The following KAZN variants were observed in gnomAD, a reference collection of about 807,000 sequenced individuals.
KAZN encodes kazrin, periplakin interacting protein.
KAZN carries 40 observed loss-of-function variants against 87.4 expected under a neutral mutation model. The ratio of observed to expected loss-of-function variants is 0.46; its 90% CI spans 0.36 to 0.60. The LOEUF (loss-of-function observed/expected upper bound fraction) is 0.60. Ranked by LOEUF, KAZN falls within the 20% of genes least tolerant of loss-of-function variation. The pLI is 0.00. For missense variants in KAZN, 898 were observed against 1,073.9 expected (o/e 0.84, Z 2.29); for synonymous variants, 466 against 458.3 (o/e 1.02, Z -0.22).
intron 2 of KAZN, among the ~76,000 whole-genome samples, chr1:14,584,644 A>G (rs1185929903): frequency 2.1e-4 from 19 of 91,150 alleles, no homozygotes; most frequent in Admixed American, 1.2e-4. Flanking sequence ...GCATTTGGAG[A>G]CAGTCTTTTT....
chr1:14,990,375 A>G (rs1667235428), intron 2 of KAZN, among the ~76,000 whole-genome samples: 1 of 152,132 alleles, frequency 6.6e-6, no homozygotes, highest in East Asian at 1.9e-4. Flanking sequence ...GGCATGTACC[A>G]CCATGCCCAG....
At chr1:14,291,053 A>G (rs1653646698) in intron 2 of KAZN, among the ~76,000 whole-genome samples, 2 of 152,132 alleles carry the variant, frequency 1.3e-5, no homozygotes, top group Non-Finnish European at 2.9e-5. Context: ...TTCCTCTGGA[A>G]GCTTCATCCC....
intron 2 of KAZN, among the ~76,000 whole-genome samples, chr1:14,366,948 C>T (rs1458995888): frequency 1.3e-5 from 2 of 152,132 alleles, no homozygotes; most frequent in Non-Finnish European, 2.9e-5. Context: ...ATGAAAATGG[C>T]TAGCCGGGCA....
At chr1:14,104,059 C>G (rs777758592) in intron 1 of KAZN, among the ~76,000 whole-genome samples, 12 of 152,172 alleles carry the variant, frequency 7.9e-5, no homozygotes, top group African/African-American at 2.4e-4. Flanking sequence ...AGCGAAGACA[C>G]TGCAACATTA....
At chr1:13,935,751 T>C (rs556388631) in intron 1 of KAZN, among the ~76,000 whole-genome samples, 2 of 152,246 alleles carry the variant, frequency 1.3e-5, no homozygotes, top group South Asian at 4.1e-4. Flanking sequence ...CTTCATAGTT[T>C]GGTTTGAATT....
At chr1:14,684,125 A>G (rs1208088315) in intron 1 of KAZN, among the ~76,000 whole-genome samples, 3 of 152,178 alleles carry the variant, frequency 2.0e-5, no homozygotes, top group South Asian at 2.1e-4. Context: ...TCAAGCTCCT[A>G]TAAGTGTCTC....
chr1:15,074,752 A>G (rs1482372246), intron 8 of KAZN, among the ~76,000 whole-genome samples: 1 of 152,220 alleles, frequency 6.6e-6, no homozygotes, highest in African/African-American at 2.4e-5. Context: ...TTTCAACCTC[A>G]GTCCTGACGC....
chr1:13,968,851 T>C (rs920526214), intron 1 of KAZN, among the ~76,000 whole-genome samples: 1 of 152,192 alleles, frequency 6.6e-6, no homozygotes, highest in Non-Finnish European at 1.5e-5. Flanking sequence ...CAGTCTCATG[T>C]CTTTAAATGC....
At chr1:14,008,957 AC>A (rs1479275612) in intron 1 of KAZN, among the ~76,000 whole-genome samples, 1 of 151,718 alleles carries the variant, frequency 6.6e-6, no homozygotes, top group Non-Finnish European at 1.5e-5. Context: ...TTAAACAGTA[AC>A]TCCCCATTCC....
intron 2 of KAZN, among the ~76,000 whole-genome samples, chr1:15,030,350 C>T (rs1671568464): frequency 6.6e-6 from 1 of 152,298 alleles, no homozygotes; most frequent in African/African-American, 2.4e-5. Flanking sequence ...TCGCTGCAAC[C>T]TCTGCCTCCA....
At chr1:14,883,388 A>AAAGAAAGAAAGAAAGG (rs1653665077) in intron 1 of KAZN, among the ~76,000 whole-genome samples, 1 of 132,012 alleles carries the variant, frequency 7.6e-6, no homozygotes, top group Non-Finnish European at 1.6e-5. Flanking sequence ...AGAAAGAAAG[A>AAAGAAAGAAAGAAAGG]AAGAAAGAAA....
intron 2 of KAZN, among the ~76,000 whole-genome samples, chr1:14,435,009 C>G (rs1421700177): frequency 6.6e-6 from 1 of 152,168 alleles, no homozygotes; most frequent in Non-Finnish European, 1.5e-5. Context: ...AGGAAGGCAG[C>G]AATCCCACCA....
At chr1:14,261,900 C>T (rs1009543624) in intron 2 of KAZN, among the ~76,000 whole-genome samples, 18 of 152,232 alleles carry the variant, frequency 1.2e-4, no homozygotes, top group East Asian at 1.2e-3. Flanking sequence ...GGAGGTCATC[C>T]GAGACCCACT....
intron 4 of KAZN, 127 bp downstream of exon 4, chr1:15,044,286 G>A (rs1456555863): frequency 3.1e-6 from 3 of 969,070 alleles, no homozygotes; most frequent in Non-Finnish European, 4.4e-6. Context: ...CAGAACACAA[G>A]CAGGGGGCAG....
chr1:14,085,078 C>A (rs1240860179), intron 1 of KAZN, among the ~76,000 whole-genome samples: 2 of 152,164 alleles, frequency 1.3e-5, no homozygotes, highest in Admixed American at 1.3e-4. Context: ...TTCAAAGATT[C>A]CCAATACTTT....
chr1:14,555,300 T>G (rs140829730), intron 2 of KAZN, among the ~76,000 whole-genome samples: 232 of 152,324 alleles, frequency 1.5e-3, no homozygotes, highest in African/African-American at 5.1e-3. Context: ...ACACAGTCTT[T>G]CAGCAACACC....
chr1:15,092,060 GTTTTTTTTTTTGATTTTTT>G (rs1640563142), intron 8 of KAZN, among the ~76,000 whole-genome samples: 1 of 114,448 alleles, frequency 8.7e-6, no homozygotes, highest in Non-Finnish European at 1.8e-5. Context: ...TTGTTTTTTT[GTTTTTTTTTTTGATTTTTT>G]TTTTTTTTTT....
intron 2 of KAZN, among the ~76,000 whole-genome samples, chr1:14,529,031 C>T (rs1019643280): frequency 6.6e-5 from 10 of 152,022 alleles, no homozygotes; most frequent in African/African-American, 1.4e-4. Context: ...CGGCCCGGCG[C>T]GGTGGCTCAT....
intron 1 of KAZN, among the ~76,000 whole-genome samples, chr1:14,103,719 G>C (rs1644308725): frequency 6.6e-6 from 1 of 151,984 alleles, no homozygotes; most frequent in Non-Finnish European, 1.5e-5. Flanking sequence ...GATTTTATTG[G>C]GCTCACTTGG....
Sources: gnomAD v4.1 joint callset for allele counts (sites outside exome capture counted in the v4.1 genomes callset) on GRCh38, gnomAD v4.1.1 for gene constraint, MANE v1.5 for transcripts, NCBI Gene and HGNC (gene_info 2026-07-23, HGNC 2026-07-21) for gene names.